The following TRAPPC9 variants were observed in gnomAD, a reference collection of about 807,000 sequenced individuals.
The protein encoded by TRAPPC9 is IKK2 binding protein.
TRAPPC9 carries 83 observed loss-of-function variants against 124.0 expected under a neutral mutation model. That is an observed-to-expected ratio of 0.67 (90% CI 0.56 to 0.80). TRAPPC9 has a LOEUF of 0.80. Among genes scored for constraint, TRAPPC9 ranks in the 30% least tolerant of loss-of-function variants. The pLI is 0.00. For synonymous variants in TRAPPC9, 638 were observed against 617.5 expected (o/e 1.03, Z -0.49); for missense variants, 1,302 against 1,508.3 (o/e 0.86, Z 2.27).
intron 17 of TRAPPC9, among the ~76,000 whole-genome samples, chr8:140,066,682 C>T (rs1842909957): frequency 6.6e-6 from 1 of 152,190 alleles, no homozygotes. Flanking sequence ...CAGGGAGGTA[C>T]TTAACACCTA....
chr8:139,794,979 G>A (rs908471304), intron 21 of TRAPPC9, among the ~76,000 whole-genome samples: 2 of 152,186 alleles, frequency 1.3e-5, no homozygotes, highest in Admixed American at 1.3e-4. Context: ...GGAGAACGCA[G>A]GGAATAAAAA....
chr8:139,811,974 T>C (rs1226823682), intron 21 of TRAPPC9, among the ~76,000 whole-genome samples: 1 of 152,198 alleles, frequency 6.6e-6, no homozygotes, highest in Non-Finnish European at 1.5e-5. Context: ...TCCAGAGGCT[T>C]GCTGGGGACA....
chr8:140,285,642 T>G lies in TRAPPC9; in HGVS notation c.1982-1621A>C, dbSNP rs572634487. 2.0e-5 allele frequency among the ~76,000 whole-genome samples: 3 copies of G among 151,520 alleles called. No individual in the cohort carries two copies. The East Asian group carries it at 5.8e-4, about 29-fold the overall frequency. On this transcript the variant is annotated intron_variant, in intron 13 of 22. Transcript: ENST00000438773. Reference sequence around the variant, plus strand: ...TCTGACCACCCCCAGGTCCCCCAAATGTACCATGTTCTCTCTTACCACCAC... The same window carrying G: ...TCTGACCACCCCCAGGTCCCCCAAAGGTACCATGTTCTCTCTTACCACCAC...
intron 21 of TRAPPC9, among the ~76,000 whole-genome samples, chr8:139,743,364 T>C (rs971031882): frequency 2.0e-5 from 3 of 152,204 alleles, no homozygotes; most frequent in Admixed American, 6.5e-5. Context: ...TAGACTTCAG[T>C]TGCAAATATC....
At position 140,397,749 on chromosome 8, in the gene TRAPPC9, C is replaced by T; in HGVS notation, c.1009-4G>A. On this transcript the variant is annotated splice_region_variant and splice_polypyrimidine_tract_variant and intron_variant, in intron 6 of 22. Transcript: ENST00000438773. ...CAATCACTCCCGCATTCTTATACTG[C>T]AGGGTGTAAAGGAAATGCCTCAGTC... 1 of 1,614,006 alleles carries T rather than the reference C, an allele frequency of 6.2e-7. No individual in the cohort carries two copies. Among genetic ancestry groups the T allele is most frequent in the Non-Finnish European group, 8.5e-7 (1 of 1,179,992 alleles).
chr8:140,057,971 T>C (rs1423868673), intron 17 of TRAPPC9, among the ~76,000 whole-genome samples: 1 of 152,150 alleles, frequency 6.6e-6, no homozygotes, highest in Non-Finnish European at 1.5e-5. Flanking sequence ...TGCACCACGC[T>C]GGGGGCAGCA....
intron 17 of TRAPPC9, among the ~76,000 whole-genome samples, chr8:140,166,273 G>C (rs2130917693): frequency 6.6e-6 from 1 of 152,348 alleles, no homozygotes; most frequent in East Asian, 1.9e-4. Context: ...ATCCAGATGT[G>C]AGCTTAGACC....
At chr8:140,011,105 C>T (rs533861143) in intron 18 of TRAPPC9, among the ~76,000 whole-genome samples, 1 of 152,068 alleles carries the variant, frequency 6.6e-6, no homozygotes, top group African/African-American at 2.4e-5. Flanking sequence ...TTTGGGAGGC[C>T]GAGAAGGGAG....
intron 21 of TRAPPC9, among the ~76,000 whole-genome samples, chr8:139,735,359 T>C (rs1262107565): frequency 6.6e-6 from 1 of 152,214 alleles, no homozygotes; most frequent in African/African-American, 2.4e-5. Context: ...CCCAGTGCTG[T>C]TGGGGCAGCG....
intron 21 of TRAPPC9, among the ~76,000 whole-genome samples, chr8:139,860,691 G>A (rs1321697781): frequency 6.6e-6 from 1 of 152,190 alleles, no homozygotes; most frequent in African/African-American, 2.4e-5. Context: ...TGGGTCCATG[G>A]TCTATGGTCA....
chr8:140,392,356 G>A (rs1023645937), intron 7 of TRAPPC9, among the ~76,000 whole-genome samples: 1 of 152,202 alleles, frequency 6.6e-6, no homozygotes, highest in Admixed American at 6.5e-5. Flanking sequence ...GAGAGGTTCT[G>A]CCTTTTCATC....
chr8:139,983,931 T>A (rs1230490105), intron 19 of TRAPPC9, among the ~76,000 whole-genome samples: 1 of 151,904 alleles, frequency 6.6e-6, no homozygotes. Context: ...TGTTCCCACA[T>A]GAGAATATTA....
intron 17 of TRAPPC9, among the ~76,000 whole-genome samples, chr8:140,092,933 A>AG (rs1417458381): frequency 3.3e-5 from 5 of 152,294 alleles, no homozygotes; most frequent in African/African-American, 1.2e-4. Context: ...AATTTGTTAA[A>AG]GGGGGATAAT....
intron 21 of TRAPPC9, among the ~76,000 whole-genome samples, chr8:139,784,640 TATATAA>T (rs1336201537): frequency 2.3e-5 from 3 of 129,742 alleles, no homozygotes; most frequent in African/African-American, 8.4e-5. Flanking sequence ...TATATATATA[TATATAA>T]ATCAACTGCA....
intron 13 of TRAPPC9, among the ~76,000 whole-genome samples, chr8:140,286,769 C>G (rs1259839747): frequency 2.0e-5 from 3 of 152,060 alleles, no homozygotes; most frequent in Non-Finnish European, 4.4e-5. Context: ...GCTGGAGGTG[C>G]AGGCTGGGAA....
At chr8:139,897,141 C>A (rs1412994799) in intron 20 of TRAPPC9, among the ~76,000 whole-genome samples, 2 of 152,236 alleles carry the variant, frequency 1.3e-5, no homozygotes, top group Non-Finnish European at 2.9e-5. Flanking sequence ...GTTTCTAACA[C>A]CCTTGCAAGG....
Position 140,267,898 on chromosome 8 carries a change from C to T in TRAPPC9, c.2278+7760G>A, listed in dbSNP as rs551825067. Among the ~76,000 whole-genome samples, 3 of 152,224 alleles carry T rather than the reference C, an allele frequency of 2.0e-5. No homozygotes were observed. In the South Asian group the frequency reaches 6.2e-4, roughly 32 times the overall value. On this transcript the variant is annotated intron_variant, in intron 15 of 22. Transcript: ENST00000438773. ...GGCCAGGCTGGTCTTGAACTCCTGG[C>T]CTTGTGATCCACCTGCCTCGGCCTC...
chr8:140,065,672 T>C (rs931364980), intron 17 of TRAPPC9, among the ~76,000 whole-genome samples: 2 of 152,254 alleles, frequency 1.3e-5, no homozygotes, highest in African/African-American at 4.8e-5. Context: ...CATCTGTTTA[T>C]AGCATGGTTT....
At chr8:140,217,440 T>A (rs1047184699) in intron 17 of TRAPPC9, among the ~76,000 whole-genome samples, 42 of 152,148 alleles carry the variant, frequency 2.8e-4, no homozygotes, top group Non-Finnish European at 1.5e-5. Context: ...AGGGTGCCGG[T>A]AGCAGTGGAC....
Sources: allele counts gnomAD v4.1 joint callset (sites outside exome capture counted in the v4.1 genomes callset), GRCh38; gene constraint gnomAD v4.1.1; transcripts MANE v1.5; gene names NCBI Gene and HGNC (gene_info 2026-07-23, HGNC 2026-07-21).